MAP2: variants seen among roughly 807,000 people sequenced by gnomAD.
The protein encoded by MAP2 is microtubule-associated protein 2.
Under a neutral mutation model 137.6 loss-of-function variants are expected in MAP2, and 14 were observed. The observed-to-expected ratio is 0.10, with a 90% CI of 0.07 to 0.16. The LOEUF is 0.16. MAP2 is among the 10% of genes least tolerant of loss of function. The pLI, the probability that MAP2 is intolerant of heterozygous loss-of-function variation, is 1.00. For synonymous variants in MAP2, 786 were observed against 782.3 expected (o/e 1.00, Z -0.08); for missense variants, 2,088 against 2,191.5 (o/e 0.95, Z 0.94).
intron 13 of MAP2, among the ~76,000 whole-genome samples, chr2:209,723,852 T>C (rs867284754): frequency 6.6e-6 from 1 of 152,200 alleles, no homozygotes. Flanking sequence ...TTTTCAGTGA[T>C]GGACTTCCCA....
In MAP2 at chr2:209,674,702, C is replaced by T. The variant is rs2050480971; in HGVS notation, c.263-3870C>T. Among the ~76,000 whole-genome samples, 3 of 151,722 alleles carry T rather than the reference C, an allele frequency of 2.0e-5. No homozygotes were observed. The South Asian group carries it at 6.2e-4, about 32-fold the overall frequency. ...AAATGTAGAATCAGTGAAGAAATTA[C>T]ATATATAATCACACACATCATAATC... is the stretch of plus-strand genomic sequence containing the variant. On this transcript the variant is annotated intron_variant, in intron 5 of 15. Coordinates refer to ENST00000682079, the MANE Select transcript of MAP2 (RefSeq NM_001375505.1).
intron 3 of MAP2, among the ~76,000 whole-genome samples, chr2:209,605,004 A>T (rs886097786): frequency 6.6e-6 from 1 of 152,216 alleles, no homozygotes; most frequent in African/African-American, 2.4e-5. Flanking sequence ...CATAGTCAGT[A>T]ATTTCTCACT....
intron 1 of MAP2, among the ~76,000 whole-genome samples, chr2:209,492,528 T>C (rs1464642360): frequency 6.6e-6 from 1 of 152,188 alleles, no homozygotes; most frequent in Non-Finnish European, 1.5e-5. Flanking sequence ...CATAATTCTA[T>C]ATTTAGAAAA....
intron 1 of MAP2, among the ~76,000 whole-genome samples, chr2:209,429,815 A>G (rs1342088090): frequency 6.6e-6 from 1 of 152,178 alleles, no homozygotes; most frequent in East Asian, 1.9e-4. Flanking sequence ...ATTTAAAAGT[A>G]CAACATTGTG....
chr2:209,493,529 A>G (rs190218192), intron 1 of MAP2, among the ~76,000 whole-genome samples: 1 of 152,216 alleles, frequency 6.6e-6, no homozygotes. Context: ...AATTTTTGCT[A>G]TCTATCCATC....
intron 1 of MAP2, among the ~76,000 whole-genome samples, chr2:209,478,449 C>T (rs1428802494): frequency 6.6e-6 from 1 of 152,168 alleles, no homozygotes; most frequent in Non-Finnish European, 1.5e-5. Flanking sequence ...TAATTGAAGA[C>T]AAATGTTTAC....
chr2:209,560,527 TGGA>T (rs1195009962), intron 2 of MAP2, among the ~76,000 whole-genome samples: 2 of 148,192 alleles, frequency 1.3e-5, no homozygotes, highest in Admixed American at 1.4e-4. Context: ...TTGCCCAGGG[TGGA>T]GTGCAGTGGT....
At chr2:209,700,375 A>T in intron 11 of MAP2, 37 bp downstream of exon 11, 1 of 1,510,132 alleles carries the variant, frequency 6.6e-7, no homozygotes. Flanking sequence ...CTTCATTTGA[A>T]GTTCCTTTGG....
chr2:209,652,581 T>G (rs1374530228), intron 4 of MAP2, among the ~76,000 whole-genome samples: 2 of 152,204 alleles, frequency 1.3e-5, no homozygotes, highest in African/African-American at 4.8e-5. Context: ...TGAACACCCT[T>G]GAAACCAAAA....
Position 209,482,902 on chromosome 2 carries a change from C to T in MAP2, c.-221-24690C>T, listed in dbSNP as rs1232144018. 2.0e-5 allele frequency among the ~76,000 whole-genome samples: 3 copies of T among 152,158 alleles called. No individual in the cohort carries two copies. In the East Asian group the frequency reaches 5.8e-4, roughly 29 times the overall value. On this transcript the variant is annotated intron_variant, in intron 1 of 15. Transcript: ENST00000682079. ...TCTCTGCATTTTACAGAATCATTGT[C>T]TGTTTTTATGAAATATTACAGCCTT...
intron 1 of MAP2, among the ~76,000 whole-genome samples, chr2:209,487,823 CT>C (rs1381688942): frequency 6.6e-6 from 1 of 151,994 alleles, no homozygotes; most frequent in Non-Finnish European, 1.5e-5. Flanking sequence ...TATCATAAAC[CT>C]TGAGTAAGGT....
chr2:209,529,483 A>T (rs1018278759), intron 2 of MAP2, among the ~76,000 whole-genome samples: 12 of 152,148 alleles, frequency 7.9e-5, no homozygotes, highest in Admixed American at 2.6e-4. Flanking sequence ...CTCCTATGGA[A>T]ATCATCGATG....
At chr2:209,723,809 T>C in intron 13 of MAP2, 1 of 665,800 alleles carries the variant, frequency 1.5e-6, no homozygotes, top group Non-Finnish European at 2.7e-6. Flanking sequence ...CTGTTCCACA[T>C]GTCTCCCTGG....
chr2:209,523,160 C>G (rs1236720056), intron 2 of MAP2, among the ~76,000 whole-genome samples: 1 of 152,116 alleles, frequency 6.6e-6, no homozygotes. Flanking sequence ...TCAGAGCCGT[C>G]TTTCCTACAG....
At chr2:209,726,186 G>A (rs2073922830) in intron 14 of MAP2, among the ~76,000 whole-genome samples, 1 of 152,012 alleles carries the variant, frequency 6.6e-6, no homozygotes, top group East Asian at 1.9e-4. Flanking sequence ...TGTAAAATAA[G>A]GATTGTGCTT....
intron 3 of MAP2, among the ~76,000 whole-genome samples, chr2:209,600,808 A>G (rs2082766153): frequency 6.6e-6 from 1 of 152,152 alleles, no homozygotes; most frequent in Admixed American, 6.5e-5. Context: ...ACCTGATTTC[A>G]AATGCTTCCC....
At chr2:209,490,364 T>A (rs1020563468) in intron 1 of MAP2, among the ~76,000 whole-genome samples, 3 of 151,704 alleles carry the variant, frequency 2.0e-5, no homozygotes, top group Non-Finnish European at 2.9e-5. Flanking sequence ...AGAAACTGCA[T>A]CAACTAATGG....
At chr2:209,449,328 A>G (rs570139408) in intron 1 of MAP2, among the ~76,000 whole-genome samples, 1 of 152,324 alleles carries the variant, frequency 6.6e-6, no homozygotes, top group South Asian at 2.1e-4. Context: ...GGAAAGAACA[A>G]ACTGTCACGC....
At chr2:209,435,896 C>T (rs990539587) in intron 1 of MAP2, among the ~76,000 whole-genome samples, 11 of 125,784 alleles carry the variant, frequency 8.7e-5, no homozygotes, top group East Asian at 5.9e-4. Context: ...GGCTTCTATT[C>T]GGGTTATGTC....
Sources: gnomAD v4.1 joint callset for allele counts (sites outside exome capture counted in the v4.1 genomes callset) on GRCh38, gnomAD v4.1.1 for gene constraint, MANE v1.5 for transcripts, NCBI Gene and HGNC (gene_info 2026-07-23, HGNC 2026-07-21) for gene names.